DDR2: variants seen among roughly 807,000 people sequenced by gnomAD.
The protein encoded by DDR2 is discoidin domain-containing receptor 2.
DDR2 carries 27 observed loss-of-function variants against 94.9 expected under a neutral mutation model. The observed-to-expected ratio is 0.28, with a 90% CI of 0.21 to 0.39. The LOEUF is 0.39. Among genes scored for constraint, DDR2 ranks in the 10% least tolerant of loss-of-function variants. The probability of loss-of-function intolerance (pLI) is 1.00; values close to 1 mark genes in which losing one functional copy is unlikely to be tolerated. For missense variants in DDR2, 783 were observed against 1,076.0 expected (o/e 0.73, Z 3.81); for synonymous variants, 382 against 377.2 (o/e 1.01, Z -0.15).
chr1:162,744,230 C>T (rs1409993068), intron 3 of DDR2, among the ~76,000 whole-genome samples: 3 of 152,178 alleles, frequency 2.0e-5, no homozygotes, highest in Admixed American at 6.5e-5. Flanking sequence ...AGTATAGGCA[C>T]AATGTTGTAC....
At position 162,785,683 on chromosome 1, in the gene DDR2, T is replaced by C. The variant is rs1215012100; in HGVS notation, c.*5437T>C. 2 of 152,204 alleles carry C rather than the reference T, an allele frequency of 1.3e-5. No individual in the cohort carries two copies. Among genetic ancestry groups the C allele is most frequent in the Non-Finnish European group, 2.9e-5 (2 of 68,030 alleles). The allele number at this position is 152,204 out of a possible 1,614,324, so 9.4% of individuals were successfully genotyped here. On this transcript the variant is annotated 3_prime_UTR_variant, in exon 18 of 18. Transcript: ENST00000367921. ...ATAAGATAGAAACAAAAACTTCTCA[T>C]CCAGTTAACTAGAGTGAATGTAGGG...
At chr1:162,649,477 A>C (rs1048994048) in intron 1 of DDR2, among the ~76,000 whole-genome samples, 8 of 152,286 alleles carry the variant, frequency 5.3e-5, no homozygotes, top group Non-Finnish European at 1.2e-4. Context: ...AAGTCATTGA[A>C]TGTCTCTGAG....
At chr1:162,728,289 C>T (rs761683455) in intron 3 of DDR2, among the ~76,000 whole-genome samples, 17 of 150,178 alleles carry the variant, frequency 1.1e-4, no homozygotes, top group Non-Finnish European at 2.1e-4. Flanking sequence ...TCACATTTTA[C>T]CCAATCAGGT....
At chr1:162,779,093 A>G (rs1277236976) in intron 17 of DDR2, among the ~76,000 whole-genome samples, 2 of 152,208 alleles carry the variant, frequency 1.3e-5, no homozygotes, top group Non-Finnish European at 2.9e-5. Flanking sequence ...ATGTATTAGC[A>G]TTCATTAAAA....
At position 162,716,733 on chromosome 1, in the gene DDR2, G is replaced by A. The variant is rs563967799; in HGVS notation, c.-27-2304G>A. On this transcript the variant is annotated intron_variant, in intron 2 of 17. Coordinates refer to ENST00000367921, the MANE Select transcript of DDR2 (RefSeq NM_006182.4). Reference sequence around the variant, plus strand: ...TTTTTTTTTTTTTTAACCCCTCTGGGTGTGTCAGTATTATACTGCTTAGAA... The same window carrying A: ...TTTTTTTTTTTTTTAACCCCTCTGGATGTGTCAGTATTATACTGCTTAGAA... 4.0e-5 allele frequency among the ~76,000 whole-genome samples: 6 copies of A among 151,232 alleles called. No individual in the cohort carries two copies. The East Asian group carries it at 7.8e-4, about 20-fold the overall frequency.
At chr1:162,647,533 A>G (rs1657474426) in intron 1 of DDR2, among the ~76,000 whole-genome samples, 2 of 152,260 alleles carry the variant, frequency 1.3e-5, no homozygotes, top group African/African-American at 4.8e-5. Flanking sequence ...TAGGCAGAGC[A>G]GTGGCATGAG....
rs558917765 is a variant in DDR2, at chr1:162,677,669, G to C, written c.-28+22295G>C. ...TCTCCATCTTTTAATTTAGCATCTT[G>C]GAACTGAACAGCACCTCCCAAGCAA... is the stretch of plus-strand genomic sequence containing the variant. On this transcript the variant is annotated intron_variant, in intron 2 of 17. Transcript: ENST00000367921. Among the ~76,000 whole-genome samples the C allele has an allele frequency of 1.6e-4, 24 of 152,236 alleles. No individual in the cohort carries two copies. The South Asian group carries it at 4.8e-3, about 30-fold the overall frequency.
chr1:162,770,590 A>G (rs767927212), intron 12 of DDR2, 78 bp downstream of exon 12: 4 of 1,333,758 alleles, frequency 3.0e-6, no homozygotes, highest in Non-Finnish European at 4.3e-6. Context: ...GCCTGCTCCC[A>G]GTTCATTGCA....
intron 1 of DDR2, among the ~76,000 whole-genome samples, chr1:162,645,387 C>T (rs1227615438): frequency 2.0e-5 from 3 of 151,928 alleles, no homozygotes; most frequent in Admixed American, 6.6e-5. Context: ...TCTTATGCAA[C>T]TATAGAGCCA....
chr1:162,635,196 T>A (rs1250784360), intron 1 of DDR2, among the ~76,000 whole-genome samples: 2 of 152,200 alleles, frequency 1.3e-5, no homozygotes, highest in African/African-American at 4.8e-5. Context: ...TTCCTTCTTG[T>A]ATAATTGCTC....
chr1:162,644,630 G>T (rs976456771), intron 1 of DDR2, among the ~76,000 whole-genome samples: 2 of 149,146 alleles, frequency 1.3e-5, no homozygotes, highest in African/African-American at 2.5e-5. Context: ...ACAGAGTCTC[G>T]CTCTGTTGCC....
chr1:162,662,878 A>C (rs1658375148), intron 2 of DDR2, among the ~76,000 whole-genome samples: 1 of 152,062 alleles, frequency 6.6e-6, no homozygotes, highest in African/African-American at 2.4e-5. Flanking sequence ...TTCTAAACTG[A>C]ATAACTGAAC....
chr1:162,779,477 A>C (rs1049849233), intron 17 of DDR2, among the ~76,000 whole-genome samples: 1 of 152,208 alleles, frequency 6.6e-6, no homozygotes, highest in African/African-American at 2.4e-5. Flanking sequence ...TCTTGCAGAC[A>C]ATAAAAAGTG....
At position 162,753,171 on chromosome 1, in the gene DDR2, A is replaced by G. The variant is rs765197646; in HGVS notation, c.159A>G (p.Ser53=). The stretch of plus-strand genomic sequence containing the variant: ...ACATCACAGCTTCCAGTCAGTGGTC[A>G]GAGTCCACAGCTGCCAAATATGGAA... The part of the protein sequence containing the change: ...DEDITASSQW[S]ESTAAKYGRL... The change falls in exon 4 of 18, where the codon TCA becomes TCG. Residue 53 remains serine (S), a synonymous_variant. Coordinates refer to ENST00000367921, the MANE Select transcript of DDR2 (RefSeq NM_006182.4). The G allele has an allele frequency of 2.0e-5, 33 of 1,613,632 alleles. No homozygotes were observed. The African/African-American group carries it at 3.5e-4, about 17-fold the overall frequency.
chr1:162,730,224 T>G (rs1006886603), intron 3 of DDR2, among the ~76,000 whole-genome samples: 4 of 152,088 alleles, frequency 2.6e-5, no homozygotes, highest in Non-Finnish European at 5.9e-5. Flanking sequence ...CCATTTCAGC[T>G]GAAGCTACCA....
upstream of DDR2, among the ~76,000 whole-genome samples, chr1:162,631,060 A>G (rs1362710748): frequency 6.6e-6 from 1 of 152,004 alleles, no homozygotes; most frequent in South Asian, 2.1e-4. Flanking sequence ...CTTTTCTGTA[A>G]CAGCTGTGAG....
intron 3 of DDR2, among the ~76,000 whole-genome samples, chr1:162,743,224 A>G (rs1662695159): frequency 6.6e-6 from 1 of 151,958 alleles, no homozygotes; most frequent in Non-Finnish European, 1.5e-5. Flanking sequence ...TCTCCTTGGT[A>G]TGATACAAGC....
intron 3 of DDR2, among the ~76,000 whole-genome samples, chr1:162,733,452 G>T (rs575260635): frequency 6.6e-6 from 1 of 152,260 alleles, no homozygotes; most frequent in African/African-American, 2.4e-5. Context: ...AGATCATCTT[G>T]TCCATTTTCC....
At chr1:162,680,174 G>T (rs992490258) in intron 2 of DDR2, among the ~76,000 whole-genome samples, 1 of 152,070 alleles carries the variant, frequency 6.6e-6, no homozygotes, top group African/African-American at 2.4e-5. Flanking sequence ...TGTTGCAATT[G>T]CTTTTGGTGT....
Sources: allele counts gnomAD v4.1 joint callset (sites outside exome capture counted in the v4.1 genomes callset), GRCh38; gene constraint gnomAD v4.1.1; transcripts MANE v1.5; gene names NCBI Gene and HGNC (gene_info 2026-07-23, HGNC 2026-07-21).